Variants in NRXN3 observed in about 807,000 individuals in gnomAD.
The protein encoded by NRXN3 is neurexin III.
In NRXN3, 32 loss-of-function variants were observed where a neutral mutation model predicts 137.6. The observed-to-expected ratio is 0.23, with a 90% confidence interval of 0.18 to 0.31. The LOEUF is 0.31. Among genes scored for constraint, NRXN3 ranks in the 10% least tolerant of loss-of-function variants. NRXN3 has a pLI of 1.00. For missense variants in NRXN3, 1,574 were observed against 2,062.5 expected, an observed-to-expected ratio of 0.76 and a Z score of 4.59; for synonymous variants, 798 against 784.5, an observed-to-expected ratio of 1.02 and a Z score of -0.29.
chr14:79,559,355 C>T (rs1267708144), intron 16 of NRXN3, among the ~76,000 whole-genome samples: 1 of 152,044 alleles, frequency 6.6e-6, no homozygotes, highest in African/African-American at 2.4e-5. Flanking sequence ...TGAATACTTA[C>T]AGGCCATTGT....
chr14:78,998,668 G>A (rs1480408480), intron 15 of NRXN3, among the ~76,000 whole-genome samples: 3 of 149,820 alleles, frequency 2.0e-5, no homozygotes, highest in Non-Finnish European at 4.4e-5. Context: ...GTGCCATCTC[G>A]GCTCACTGCA....
At chr14:79,270,348 A>C (rs1264274111) in intron 15 of NRXN3, among the ~76,000 whole-genome samples, 2 of 152,230 alleles carry the variant, frequency 1.3e-5, no homozygotes, top group African/African-American at 4.8e-5. Flanking sequence ...ATAGTAATTC[A>C]AAATATCTCG....
At chr14:78,913,280 T>C (rs1218741814) in intron 10 of NRXN3, among the ~76,000 whole-genome samples, 6 of 130,520 alleles carry the variant, frequency 4.6e-5, no homozygotes, top group Admixed American at 3.0e-4. Flanking sequence ...CTTTCTTTTT[T>C]TTTTTTTTTT....
intron 3 of NRXN3, among the ~76,000 whole-genome samples, chr14:78,292,824 C>T (rs2075938962): frequency 6.6e-6 from 1 of 152,138 alleles, no homozygotes; most frequent in African/African-American, 2.4e-5. Flanking sequence ...CCTGGAATAT[C>T]AAACCCAGAA....
chr14:79,517,383 G>T (rs2153697839), intron 16 of NRXN3, among the ~76,000 whole-genome samples: 1 of 152,200 alleles, frequency 6.6e-6, no homozygotes, highest in East Asian at 1.9e-4. Flanking sequence ...GATATGGGAT[G>T]CAAATATCCT....
At chr14:78,240,324 C>T (rs77729879) in intron 1 of NRXN3, among the ~76,000 whole-genome samples, 2,013 of 152,244 alleles carry the variant, frequency 0.013, 40 homozygotes, top group African/African-American at 0.042. Context: ...GTGTGTCCTA[C>T]GCTAGGGAAC....
At chr14:79,853,782 A>G in intron 20 of NRXN3, 1 of 1,011,442 alleles carries the variant, frequency 9.9e-7, no homozygotes, top group Non-Finnish European at 1.2e-6. Flanking sequence ...AAAAAAATAT[A>G]TATATCTGAA....
intron 8 of NRXN3, among the ~76,000 whole-genome samples, chr14:78,730,191 G>A (rs1286776945): frequency 1.3e-5 from 2 of 152,174 alleles, no homozygotes; most frequent in Non-Finnish European, 2.9e-5. Context: ...TGGAATGAAT[G>A]AATCTGGAAT....
At chr14:78,862,842 G>T (rs1431889881) in intron 10 of NRXN3, among the ~76,000 whole-genome samples, 1 of 152,138 alleles carries the variant, frequency 6.6e-6, no homozygotes, top group Non-Finnish European at 1.5e-5. Context: ...GAGTGGCATT[G>T]ATAGATATAA....
At chr14:78,627,773 A>G (rs545318463) in intron 4 of NRXN3, among the ~76,000 whole-genome samples, 1 of 152,298 alleles carries the variant, frequency 6.6e-6, no homozygotes, top group South Asian at 2.1e-4. Flanking sequence ...GAAGTAGAAA[A>G]TGTGTGGTTT....
chr14:78,288,130 C>T (rs1394184682), intron 3 of NRXN3, among the ~76,000 whole-genome samples: 1 of 152,128 alleles, frequency 6.6e-6, no homozygotes, highest in African/African-American at 2.4e-5. Flanking sequence ...CAGGCACCCA[C>T]TACCACACCT....
intron 1 of NRXN3, among the ~76,000 whole-genome samples, chr14:78,179,366 C>A (rs2059572321): frequency 6.6e-6 from 1 of 152,156 alleles, no homozygotes; most frequent in Admixed American, 6.5e-5. Flanking sequence ...TGGTCTGCAG[C>A]CCCTAGGCTG....
chr14:79,154,883 A>T (rs1342886260), intron 15 of NRXN3, among the ~76,000 whole-genome samples: 1 of 151,962 alleles, frequency 6.6e-6, no homozygotes, highest in African/African-American at 2.4e-5. Flanking sequence ...GTAAAACTGA[A>T]TCTTCATCCT....
At chr14:78,566,858 G>T (rs2096841238) in intron 4 of NRXN3, among the ~76,000 whole-genome samples, 1 of 152,238 alleles carries the variant, frequency 6.6e-6, no homozygotes, top group Non-Finnish European at 1.5e-5. Flanking sequence ...ATTTGGCCCA[G>T]AGGAAGGAAG....
At chr14:79,841,125 A>T (rs1345342493) in intron 20 of NRXN3, among the ~76,000 whole-genome samples, 1 of 152,196 alleles carries the variant, frequency 6.6e-6, no homozygotes, top group Non-Finnish European at 1.5e-5. Context: ...AGCCGTGTAT[A>T]TTTAGGGTAC....
chr14:78,293,566 T>C (rs2076014854), intron 3 of NRXN3, among the ~76,000 whole-genome samples: 1 of 152,196 alleles, frequency 6.6e-6, no homozygotes, highest in Non-Finnish European at 1.5e-5. Context: ...TCTTTTTTCT[T>C]TTCTTTCCCA....
intron 10 of NRXN3, among the ~76,000 whole-genome samples, chr14:78,831,440 G>A (rs1046694829): frequency 1.4e-5 from 2 of 144,144 alleles, no homozygotes; most frequent in African/African-American, 2.6e-5. Flanking sequence ...GGATACTGAG[G>A]CAGAGAATTG....
chr14:78,174,669 G>T (rs1366474124), intron 1 of NRXN3, among the ~76,000 whole-genome samples: 1 of 152,240 alleles, frequency 6.6e-6, no homozygotes, highest in South Asian at 2.1e-4. Flanking sequence ...AGCCTCATAC[G>T]GTGGCTCTGG....
chr14:78,877,014 A>T (rs991212647), intron 10 of NRXN3, among the ~76,000 whole-genome samples: 1 of 152,206 alleles, frequency 6.6e-6, no homozygotes, highest in Non-Finnish European at 1.5e-5. Flanking sequence ...TCCCAAGAGG[A>T]CAATGCAATA....
Sources: allele counts gnomAD v4.1 joint callset (sites outside exome capture counted in the v4.1 genomes callset), GRCh38; gene constraint gnomAD v4.1.1; transcripts MANE v1.5; gene names NCBI Gene and HGNC (gene_info 2026-07-23, HGNC 2026-07-21).